Variants in NAV2 observed in about 807,000 individuals in gnomAD.
NAV2 encodes the protein neuron navigator 2, also known as helicase, APC down-regulated 1.
NAV2 carries 54 observed loss-of-function variants against 223.2 expected under a neutral mutation model. The ratio of observed to expected loss-of-function variants is 0.24; its 90% CI spans 0.19 to 0.30. The LOEUF is 0.30. Ranked by LOEUF, NAV2 falls within the 10% of genes least tolerant of loss-of-function variation. The pLI is 1.00. For missense variants in NAV2, 2,806 were observed against 3,147.5 expected (o/e 0.89, Z 2.60); for synonymous variants, 1,279 against 1,239.3 (o/e 1.03, Z -0.67).
At chr11:19,384,910 A>G (rs1237581870) in intron 1 of NAV2, 1 of 152,238 alleles carries the variant, frequency 6.6e-6, no homozygotes, top group Non-Finnish European at 1.5e-5. Context: ...AGTGAATCAC[A>G]GACTGAAAGA....
At chr11:19,659,121 A>G (rs2048205166) in intron 1 of NAV2, among the ~76,000 whole-genome samples, 1 of 152,228 alleles carries the variant, frequency 6.6e-6, no homozygotes, top group Non-Finnish European at 1.5e-5. Context: ...TTAAGTGTAC[A>G]ATTTCAAGTT....
chr11:19,542,312 A>G (rs1772850534), intron 1 of NAV2, among the ~76,000 whole-genome samples: 1 of 152,208 alleles, frequency 6.6e-6, no homozygotes, highest in Non-Finnish European at 1.5e-5. Context: ...TAATCTTCAT[A>G]ATAACCCTCT....
chr11:19,681,795 A>G (rs2048886838), intron 1 of NAV2, among the ~76,000 whole-genome samples: 1 of 152,238 alleles, frequency 6.6e-6, no homozygotes, highest in Admixed American at 6.5e-5. Context: ...CTAGGAAGCC[A>G]CTGTGGGAAT....
chr11:19,628,562 A>G (rs1344588107), intron 1 of NAV2, among the ~76,000 whole-genome samples: 1 of 152,190 alleles, frequency 6.6e-6, no homozygotes, highest in Non-Finnish European at 1.5e-5. Context: ...TCACGTGGCC[A>G]TGCACTCATC....
chr11:19,842,773 A>G, intron 2 of NAV2, 98 bp from the exon 3 acceptor site: 1 of 1,040,118 alleles, frequency 9.6e-7, no homozygotes, highest in South Asian at 1.4e-5. Context: ...AAACCCTGGT[A>G]TGGGCCTTAG....
intron 1 of NAV2, among the ~76,000 whole-genome samples, chr11:19,718,827 G>T (rs2050524426): frequency 6.6e-6 from 1 of 152,008 alleles, no homozygotes; most frequent in South Asian, 2.1e-4. Flanking sequence ...TCTACTTCTG[G>T]ATATGTGTAT....
chr11:19,600,917 A>G (rs2046333864), intron 1 of NAV2, among the ~76,000 whole-genome samples: 1 of 152,162 alleles, frequency 6.6e-6, no homozygotes, highest in South Asian at 2.1e-4. Context: ...CACTTTTTCT[A>G]CTATACCATG....
rs565451739 is a variant in NAV2, at chr11:19,413,087, G to C, written c.75+62060G>C. Among the ~76,000 whole-genome samples the C allele has an allele frequency of 6.6e-5, 10 of 152,324 alleles. No homozygotes were observed. The East Asian group carries it at 1.4e-3, about 21-fold the overall frequency. On this transcript the variant is annotated intron_variant, in intron 1 of 37. Coordinates refer to the NAV2 transcript ENST00000360655. ...GGACGGAGAATGAGTTTGAAAAATT[G>C]ACAGAAGTAGGCCTCAGAAGGTGGG...
chr11:19,567,785 C>T (rs1466090504), intron 1 of NAV2, among the ~76,000 whole-genome samples: 1 of 152,164 alleles, frequency 6.6e-6, no homozygotes, highest in East Asian at 1.9e-4. Context: ...ACTTTACCCT[C>T]TCTTTCAAAA....
intron 1 of NAV2, among the ~76,000 whole-genome samples, chr11:19,603,408 A>G (rs2046399056): frequency 6.6e-6 from 1 of 152,122 alleles, no homozygotes; most frequent in African/African-American, 2.4e-5. Flanking sequence ...CAGGTGGATC[A>G]CGAGGTCAGG....
intron 2 of NAV2, among the ~76,000 whole-genome samples, chr11:19,834,337 A>G (rs1348349): frequency 0.68 from 102,994 of 152,058 alleles, 35,693 homozygotes; most frequent in African/African-American, 0.81. Flanking sequence ...ACTAGTCTCC[A>G]TGGGAATTCT....
At chr11:19,463,032 C>G (rs1852220337) in intron 1 of NAV2, among the ~76,000 whole-genome samples, 1 of 152,200 alleles carries the variant, frequency 6.6e-6, no homozygotes, top group Non-Finnish European at 1.5e-5. Flanking sequence ...TAGCTATGGG[C>G]TTAGACAGAG....
At chr11:19,920,660 A>G (rs1006321066) in intron 6 of NAV2, among the ~76,000 whole-genome samples, 3 of 152,222 alleles carry the variant, frequency 2.0e-5, no homozygotes, top group African/African-American at 7.2e-5. Context: ...AGTTATTAGT[A>G]TTAGTTTTAT....
intron 8 of NAV2, 35 bp downstream of exon 8, chr11:19,939,808 G>T: frequency 8.6e-6 from 13 of 1,516,572 alleles, no homozygotes; most frequent in Non-Finnish European, 7.3e-6. Flanking sequence ...GTGTCTGTTG[G>T]TGATGAGGCC....
chr11:19,792,910 A>G (rs2057624050), intron 1 of NAV2, among the ~76,000 whole-genome samples: 1 of 149,424 alleles, frequency 6.7e-6, no homozygotes, highest in Non-Finnish European at 1.5e-5. Context: ...TGAGTGAGCC[A>G]TTAAAAAAAA....
intron 1 of NAV2, among the ~76,000 whole-genome samples, chr11:19,823,642 A>G (rs1160704435): frequency 6.6e-6 from 1 of 152,174 alleles, no homozygotes; most frequent in Non-Finnish European, 1.5e-5. Context: ...TGCCCAGCTT[A>G]TACAGTTTCT....
chr11:19,777,818 C>G, intron 1 of NAV2: 1 of 454,190 alleles, frequency 2.2e-6, no homozygotes, highest in Admixed American at 2.4e-5. Context: ...GGATTGCACA[C>G]GCTGGGATTG....
At chr11:20,001,157 ATGCCTT>A (rs1390791904) in intron 11 of NAV2, among the ~76,000 whole-genome samples, 2 of 152,102 alleles carry the variant, frequency 1.3e-5, no homozygotes. Flanking sequence ...GTAAACCTCC[ATGCCTT>A]TGCCCCCTGG....
intron 1 of NAV2, among the ~76,000 whole-genome samples, chr11:19,485,835 A>G (rs934123309): frequency 6.6e-6 from 1 of 152,104 alleles, no homozygotes; most frequent in Non-Finnish European, 1.5e-5. Flanking sequence ...ACTATGGAAT[A>G]AAGATGCCAT....
Sources: gnomAD v4.1 joint callset for allele counts (sites outside exome capture counted in the v4.1 genomes callset) on GRCh38, gnomAD v4.1.1 for gene constraint, MANE v1.5 for transcripts, NCBI Gene and HGNC (gene_info 2026-07-23, HGNC 2026-07-21) for gene names.